Variants in ESRRG observed in about 807,000 individuals in gnomAD.
The protein encoded by ESRRG is estrogen related receptor gamma.
In ESRRG, 13 loss-of-function variants were observed where a neutral mutation model predicts 44.0. That is an observed-to-expected ratio of 0.30 (90% CI 0.19 to 0.47). ESRRG has a LOEUF of 0.47. Ranked by LOEUF, ESRRG falls within the 20% of genes least tolerant of loss-of-function variation. ESRRG has a pLI of 1.00. For synonymous variants in ESRRG, 215 were observed against 214.6 expected (o/e 1.00, Z -0.02); for missense variants, 395 against 580.6 (o/e 0.68, Z 3.29).
At chr1:216,779,172 T>C (rs1327625974) in intron 2 of ESRRG, among the ~76,000 whole-genome samples, 4 of 86,842 alleles carry the variant, frequency 4.6e-5, no homozygotes, top group Admixed American at 1.7e-4. Flanking sequence ...TAAATATATA[T>C]ATAATTATAT....
At chr1:216,598,748 G>C (rs1449312241) in intron 3 of ESRRG, among the ~76,000 whole-genome samples, 1 of 152,020 alleles carries the variant, frequency 6.6e-6, no homozygotes, top group East Asian at 1.9e-4. Flanking sequence ...AAAGAGGCTT[G>C]ATATGGTCTG....
chr1:216,645,828 T>C (rs2067436432), intron 3 of ESRRG, among the ~76,000 whole-genome samples: 1 of 137,892 alleles, frequency 7.3e-6, no homozygotes, highest in African/African-American at 2.8e-5. Context: ...GCCAAGATCA[T>C]GCCACTGCAC....
intron 1 of ESRRG, chr1:216,985,701 A>G (rs946437): frequency 0.85 from 130,038 of 152,162 alleles, 55,744 homozygotes; most frequent in East Asian, 1. Context: ...ATGGTGGGGG[A>G]CAGTCAGGAC....
At chr1:216,934,398 C>T (rs1243989819) in intron 2 of ESRRG, among the ~76,000 whole-genome samples, 4 of 152,150 alleles carry the variant, frequency 2.6e-5, no homozygotes, top group Non-Finnish European at 5.9e-5. Flanking sequence ...CACTCCACTC[C>T]TCTCCAGCTT....
At chr1:217,136,281 G>A (rs1423519447) in intron 1 of ESRRG, among the ~76,000 whole-genome samples, 1 of 152,218 alleles carries the variant, frequency 6.6e-6, no homozygotes, top group Non-Finnish European at 1.5e-5. Context: ...TTTTCCTGAG[G>A]TACTGGGACA....
chr1:216,688,032 G>A (rs1367856730), intron 1 of ESRRG, among the ~76,000 whole-genome samples: 5 of 151,680 alleles, frequency 3.3e-5, no homozygotes, highest in African/African-American at 9.7e-5. Context: ...AAAAACAAAA[G>A]AATATGCATG....
chr1:216,922,226 G>A (rs996417073), intron 2 of ESRRG, among the ~76,000 whole-genome samples: 4 of 152,114 alleles, frequency 2.6e-5, no homozygotes, highest in East Asian at 1.9e-4. Flanking sequence ...CAGATGAAGC[G>A]TACACAGCAT....
chr1:216,916,527 G>T (rs1337280228), intron 2 of ESRRG, among the ~76,000 whole-genome samples: 2 of 152,154 alleles, frequency 1.3e-5, no homozygotes, highest in Admixed American at 1.3e-4. Flanking sequence ...GAGAATTTGG[G>T]GACACATGCT....
chr1:216,662,223 A>T (rs2072650751), intron 2 of ESRRG, among the ~76,000 whole-genome samples: 1 of 152,116 alleles, frequency 6.6e-6, no homozygotes, highest in South Asian at 2.1e-4. Flanking sequence ...CTCAGCACAG[A>T]AGTAAGGAAG....
intron 2 of ESRRG, among the ~76,000 whole-genome samples, chr1:216,829,254 C>T (rs2095446648): frequency 6.6e-6 from 1 of 152,032 alleles, no homozygotes; most frequent in African/African-American, 2.4e-5. Context: ...TATGAACATA[C>T]ACACATTTAC....
chr1:216,900,186 T>C (rs2058902764), intron 2 of ESRRG, among the ~76,000 whole-genome samples: 1 of 152,186 alleles, frequency 6.6e-6, no homozygotes, highest in Non-Finnish European at 1.5e-5. Flanking sequence ...AAATAAGTGT[T>C]TGTTGCACTT....
intron 1 of ESRRG, among the ~76,000 whole-genome samples, chr1:217,125,808 C>T (rs528366991): frequency 3.7e-4 from 57 of 152,214 alleles, no homozygotes; most frequent in Middle Eastern, 6.8e-3. Flanking sequence ...TTCTTCTTTC[C>T]TCTCAAACTA....
chr1:216,724,362 ATT>A (rs35611593), upstream of ESRRG, among the ~76,000 whole-genome samples: 3,709 of 143,068 alleles, frequency 0.026, 64 homozygotes, highest in Non-Finnish European at 0.033. Context: ...TAAAGACAGC[ATT>A]TTTTTTTTTT....
chr1:216,729,860 T>G (rs2088357148), intron 2 of ESRRG, among the ~76,000 whole-genome samples: 1 of 152,138 alleles, frequency 6.6e-6, no homozygotes, highest in Non-Finnish European at 1.5e-5. Context: ...TGATCAGATA[T>G]CCCAAAAACT....
intron 2 of ESRRG, among the ~76,000 whole-genome samples, chr1:216,911,643 C>T (rs1428764127): frequency 2.0e-5 from 3 of 152,040 alleles, no homozygotes; most frequent in Non-Finnish European, 4.4e-5. Flanking sequence ...AACAAATGTA[C>T]CACTCTGGTA....
intron 1 of ESRRG, among the ~76,000 whole-genome samples, chr1:217,004,702 T>C (rs937122825): frequency 3.3e-5 from 5 of 152,198 alleles, no homozygotes; most frequent in Admixed American, 3.3e-4. Context: ...GGTTAAGAAA[T>C]TAATCTGTAT....
chr1:217,124,444 A>G (rs1282814351), intron 1 of ESRRG, among the ~76,000 whole-genome samples: 4 of 152,214 alleles, frequency 2.6e-5, no homozygotes, highest in African/African-American at 7.2e-5. Flanking sequence ...TTAACGAACA[A>G]TAAAGCAACA....
chr1:216,646,357 A>G (rs1410271078), intron 3 of ESRRG, among the ~76,000 whole-genome samples: 3 of 152,166 alleles, frequency 2.0e-5, no homozygotes, highest in South Asian at 2.1e-4. Context: ...TCAAGCTCAT[A>G]GTGTCTCCTG....
chr1:216,862,086 T>C (rs1049458678), intron 2 of ESRRG: 1 of 152,178 alleles, frequency 6.6e-6, no homozygotes, highest in African/African-American at 2.4e-5. Flanking sequence ...TTGCTGAGAG[T>C]GTAAAGTGAT....
Sources: allele counts gnomAD v4.1 joint callset (sites outside exome capture counted in the v4.1 genomes callset), GRCh38; gene constraint gnomAD v4.1.1; transcripts MANE v1.5; gene names NCBI Gene and HGNC (gene_info 2026-07-23, HGNC 2026-07-21).